PNMA6E: variants seen among roughly 807,000 people sequenced by gnomAD.
The protein encoded by PNMA6E is PNMA family member 6E.
For missense variants in PNMA6E, 78 were observed against 50.8 expected, an observed-to-expected ratio of 1.53 and a Z score of -1.63; for synonymous variants, 43 against 17.1, an observed-to-expected ratio of 2.52 and a Z score of -3.74.
the PNMA6E span, among the ~76,000 whole-genome samples, chrX:153,409,497 T>C: frequency 8.8e-6 from 1 of 113,134 alleles, no homozygotes; most frequent in Non-Finnish European, 1.9e-5. Context: ...GGGTTTGCAG[T>C]TCTTTACAGT....
the PNMA6E span, among the ~76,000 whole-genome samples, chrX:153,411,851 G>A: frequency 0.012 from 1,225 of 103,631 alleles, 19 homozygotes; most frequent in African/African-American, 0.041. Flanking sequence ...CTGAGTGGCC[G>A]GACCAGCCCT....
chrX:153,406,660 G>A, the PNMA6E span, among the ~76,000 whole-genome samples: 1 of 112,990 alleles, frequency 8.9e-6, no homozygotes. Flanking sequence ...ACTGACAGAT[G>A]TGAAGCCAGT....
Position 153,397,885 on chromosome X carries a change from C to A in PNMA6E, c.965G>T (p.Arg322Ile). ...TGGCTGCTCCCTCCTGGAAAAGGGT[C>A]TCAATTCCCGGTAGGCCCTGTTTTC... Reference protein sequence around the residue: ...VLENRAYRELRPFSRREQPGC... With the variant: ...VLENRAYRELIPFSRREQPGC... The change falls in exon 2 of 2, where the codon AGA becomes ATA. Residue 322 changes from arginine (R) to isoleucine (I), a missense_variant. Arg to Ile is a moderately conservative substitution (Grantham distance 97). Transcript: ENST00000445091. The A allele has an allele frequency of 2.9e-6, 1 of 341,053 alleles. No homozygotes were observed. Among genetic ancestry groups the A allele is most frequent in the Non-Finnish European group, 5.1e-6 (1 of 196,821 alleles). 28.1% of individuals were successfully genotyped at this position (341,053 alleles called of 1,213,427 possible). A position where few individuals can be genotyped will look rare whatever the true frequency, so the allele number is the denominator to read the frequency against.
the PNMA6E span, among the ~76,000 whole-genome samples, chrX:153,412,632 G>C: frequency 8.9e-6 from 1 of 111,838 alleles, no homozygotes; most frequent in Non-Finnish European, 1.9e-5. Flanking sequence ...TATGGTTTTG[G>C]AAGAGCATTC....
At chrX:153,408,526 T>G in the PNMA6E span, among the ~76,000 whole-genome samples, 1 of 112,138 alleles carries the variant, frequency 8.9e-6, no homozygotes, top group Admixed American at 9.4e-5. Context: ...TTCTGCAGGG[T>G]CAAGGAGCAA....
At position 153,397,320 on chromosome X, in the gene PNMA6E, G is replaced by A; in HGVS notation, c.1530C>T (p.Ala510=). 1 of 297,748 alleles carries A rather than the reference G, an allele frequency of 3.4e-6. No individual in the cohort carries two copies. The highest frequency in any genetic ancestry group is 4.8e-5 in the East Asian group (1 of 21,040). 24.5% of individuals were successfully genotyped at this position (297,748 alleles called of 1,213,427 possible). Reference sequence around the variant, plus strand: ...CAGCTGGGTCTTCACTCTCCACTGGGGCCGCTGCCCAGGCCACACCCTGCT... The same window carrying A: ...CAGCTGGGTCTTCACTCTCCACTGGAGCCGCTGCCCAGGCCACACCCTGCT... ...RSQQGVAWAA[A]PVESEDPAAA... Residue 510 remains alanine (A), a synonymous_variant, in exon 2 of 2, where the codon GCC becomes GCT. Coordinates refer to ENST00000445091, the MANE Select transcript of PNMA6E (RefSeq NM_001367770.1).
intron 1 of PNMA6E, 92 bp downstream of exon 1, chrX:153,401,152 C>G (rs1236877734): frequency 9.3e-6 from 1 of 107,299 alleles, no homozygotes; most frequent in Non-Finnish European, 1.9e-5. Flanking sequence ...CCTGCCCCCC[C>G]CCCACACCCC....
chrX:153,403,451 A>T (rs961975646), upstream of PNMA6E, among the ~76,000 whole-genome samples: 2 of 111,812 alleles, frequency 1.8e-5, no homozygotes, highest in Non-Finnish European at 3.8e-5. Flanking sequence ...CTGGGACATC[A>T]CCCCAACCTA....
rs1288638040 is a variant in PNMA6E at position 153,396,596 on chromosome X, C to G, written c.*310G>C. The G allele has an allele frequency of 3.3e-5, 5 of 152,168 alleles. No individual in the cohort carries two copies. Among genetic ancestry groups the G allele is most frequent in the Non-Finnish European group, 6.3e-5 (5 of 79,479 alleles). 12.5% of individuals were successfully genotyped at this position (152,168 alleles called of 1,213,427 possible). A position where few individuals can be genotyped will look rare whatever the true frequency, so the allele number is the denominator to read the frequency against. ...GTTGGGGGCAGACATCTTCAGGTGC[C>G]CCCACCCAGGCCACAGCTGCCCACT... On this transcript the variant is annotated 3_prime_UTR_variant, in exon 2 of 2. Transcript: ENST00000445091.
chrX:153,398,735 C>T lies in PNMA6E; in HGVS notation c.115G>A (p.Val39Met), dbSNP rs1556970862. ...DCKEHEFQEA[V>M]RAALSPLGRY... ...CCCAGGGGCGACAGGGCAGCCCGCA[C>T]GGCCTCCTGGAACTCATGTTCCTTG... The change falls in exon 2 of 2, where the codon GTG (valine) becomes ATG (methionine). Residue 39 changes from valine (V) to methionine (M), a missense_variant. Transcript: ENST00000445091. The T allele has an allele frequency of 1.6e-5, 5 of 305,852 alleles. No homozygotes were observed. The highest frequency in any genetic ancestry group is 8.5e-4 in the Middle Eastern group (1 of 1,178). The allele number at this position is 305,852 out of a possible 1,213,427, so 25.2% of individuals were successfully genotyped here. A position where few individuals can be genotyped will look rare whatever the true frequency, so the allele number is the denominator to read the frequency against.
At chrX:153,408,122 GAAGGGA>G in the PNMA6E span, among the ~76,000 whole-genome samples, 1 of 112,841 alleles carries the variant, frequency 8.9e-6, no homozygotes, top group Non-Finnish European at 1.9e-5. Context: ...GAGAGTCAGT[GAAGGGA>G]GAGGGAGGCC....
chrX:153,404,771 C>T (rs1051777531), upstream of PNMA6E, among the ~76,000 whole-genome samples: 1 of 111,896 alleles, frequency 8.9e-6, no homozygotes, highest in South Asian at 3.7e-4. Context: ...CCAGGTGATA[C>T]CCCTCATGCT....
chrX:153,403,265 G>C (rs145757601), upstream of PNMA6E, among the ~76,000 whole-genome samples: 596 of 111,767 alleles, frequency 5.3e-3, no homozygotes, highest in African/African-American at 0.017. Context: ...TTATCTGTAA[G>C]TTTGCAACTC....
At chrX:153,413,103 G>A in the PNMA6E span, among the ~76,000 whole-genome samples, 1 of 110,950 alleles carries the variant, frequency 9.0e-6, no homozygotes, top group Non-Finnish European at 1.9e-5. Flanking sequence ...GAAAGCTGAT[G>A]GGGCTGAGAG....
chrX:153,410,208 C>T, the PNMA6E span, among the ~76,000 whole-genome samples: 2 of 111,759 alleles, frequency 1.8e-5, no homozygotes, highest in African/African-American at 6.5e-5. Context: ...TCTAAGGAAA[C>T]TGTCCTTGGA....
the PNMA6E span, among the ~76,000 whole-genome samples, chrX:153,412,114 G>C: frequency 8.8e-6 from 1 of 113,016 alleles, no homozygotes; most frequent in Non-Finnish European, 1.9e-5. Context: ...AGGGTCTCCA[G>C]ATCGGGGCAG....
At chrX:153,404,701 A>G (rs781921045), upstream of PNMA6E, among the ~76,000 whole-genome samples, 4 of 112,111 alleles carry the variant, frequency 3.6e-5, no homozygotes, top group African/African-American at 9.7e-5. Context: ...GGTCAGCCAG[A>G]GATTTGGGCC....
intron 1 of PNMA6E, 32 bp from the exon 2 acceptor site, chrX:153,398,952 C>G: frequency 6.8e-6 from 2 of 296,150 alleles, no homozygotes; most frequent in Non-Finnish European, 1.2e-5. Flanking sequence ...CTTGTTTGTG[C>G]CAAACACTCA....
rs1309334858 is a variant in PNMA6E, at chrX:153,397,261, C to A, written c.1589G>T (p.Ser530Ile). Residue 530 changes from serine (S) to isoleucine (I), a missense_variant, in exon 2 of 2, where the codon AGC becomes ATC. Coordinates refer to ENST00000445091, the MANE Select transcript of PNMA6E (RefSeq NM_001367770.1). ...AQASPAQGNA[S>I]EAGPGAEDAA... ...ATCTTCTGCTCCGGGACCAGCCTCG[C>A]TGGCATTCCCCTGGGCTGGGGAGGC... 3 of 296,912 alleles carry A rather than the reference C, an allele frequency of 1.0e-5. No homozygotes were observed. The highest frequency in any genetic ancestry group is 8.2e-5 in the African/African-American group (3 of 36,764). 24.5% of individuals were successfully genotyped at this position (296,912 alleles called of 1,213,427 possible). A position where few individuals can be genotyped will look rare whatever the true frequency, so the allele number is the denominator to read the frequency against.
Sources: allele counts gnomAD v4.1 joint callset (sites outside exome capture counted in the v4.1 genomes callset), GRCh38; gene constraint gnomAD v4.1.1; transcripts MANE v1.5; gene names NCBI Gene and HGNC (gene_info 2026-07-23, HGNC 2026-07-21).